Variants in PDLIM5 observed in about 807,000 individuals in gnomAD.
The protein encoded by PDLIM5 is PDZ and LIM domain protein 5.
Under a neutral mutation model 64.2 loss-of-function variants are expected in PDLIM5, and 34 were observed. The observed-to-expected ratio is 0.53, with a 90% CI of 0.40 to 0.71. PDLIM5 has a LOEUF of 0.71. Ranked by LOEUF, PDLIM5 falls within the 30% of genes least tolerant of loss-of-function variation. PDLIM5 has a pLI of 0.00. For missense variants in PDLIM5, 683 were observed against 733.6 expected, an observed-to-expected ratio of 0.93 and a Z score of 0.80; for synonymous variants, 253 against 269.1, an observed-to-expected ratio of 0.94 and a Z score of 0.59.
chr4:94,629,989 T>A (rs970806381), intron 8 of PDLIM5, among the ~76,000 whole-genome samples: 1 of 152,168 alleles, frequency 6.6e-6, no homozygotes, highest in Non-Finnish European at 1.5e-5. Flanking sequence ...AATGCACATA[T>A]TCTTTGCTTC....
chr4:94,558,857 A>G (rs1379096781), intron 3 of PDLIM5, among the ~76,000 whole-genome samples: 2 of 152,004 alleles, frequency 1.3e-5, no homozygotes, highest in Non-Finnish European at 2.9e-5. Flanking sequence ...TTTAATCATA[A>G]CTAAGTTATG....
Position 94,618,076 on chromosome 4 carries a change from C to G in PDLIM5, c.993C>G (p.Asp331Glu). ...ASTRSMPESL[D>E]SPTSGRPGVT... is the part of the protein sequence containing the mutation. ...CACGGAGCATGCCCGAGAGCCTGGA[C>G]AGCCCAACCTCTGGCAGACCAGGGG... The change falls in exon 8 of 13, where the codon GAC becomes GAG. Residue 331 changes from aspartate (D) to glutamate (E), a missense_variant. By Grantham distance (45) the Asp-to-Glu change is conservative. Transcript: ENST00000317968. The G allele has an allele frequency of 6.2e-7, 1 of 1,611,910 alleles. No individual in the cohort carries two copies. The highest frequency in any genetic ancestry group is 1.1e-5 in the South Asian group (1 of 90,616).
At chr4:94,573,062 G>A (rs1002168028) in intron 3 of PDLIM5, among the ~76,000 whole-genome samples, 15 of 152,092 alleles carry the variant, frequency 9.9e-5, no homozygotes, top group African/African-American at 3.6e-4. Context: ...GATTAAACAC[G>A]GGTGCACTCA....
chr4:94,514,352 T>G (rs910412041), intron 2 of PDLIM5, among the ~76,000 whole-genome samples: 3 of 152,044 alleles, frequency 2.0e-5, no homozygotes, highest in African/African-American at 4.8e-5. Flanking sequence ...GCCAGGATGG[T>G]CTCAATCTCC....
chr4:94,649,079 G>T (rs910983137), intron 9 of PDLIM5, among the ~76,000 whole-genome samples: 1 of 151,932 alleles, frequency 6.6e-6, no homozygotes, highest in Non-Finnish European at 1.5e-5. Context: ...GGGTTCAAGC[G>T]ATTCCCCTGC....
intron 9 of PDLIM5, among the ~76,000 whole-genome samples, chr4:94,649,885 A>G (rs1005592271): frequency 6.6e-6 from 1 of 152,192 alleles, no homozygotes; most frequent in Non-Finnish European, 1.5e-5. Context: ...TTTATTTACT[A>G]TTATGTTTAA....
At chr4:94,616,214 T>G (rs1479379769) in intron 7 of PDLIM5, among the ~76,000 whole-genome samples, 3 of 152,190 alleles carry the variant, frequency 2.0e-5, no homozygotes, top group African/African-American at 7.2e-5. Context: ...GCAAGGGTAA[T>G]TTAATCCCAG....
At chr4:94,461,121 T>C (rs747968746) in intron 2 of PDLIM5, among the ~76,000 whole-genome samples, 66 of 152,346 alleles carry the variant, frequency 4.3e-4, no homozygotes, top group Non-Finnish European at 8.5e-4. Flanking sequence ...AAATCAGTTA[T>C]GATTTAGTTA....
At chr4:94,486,914 G>A (rs1350413147) in intron 2 of PDLIM5, among the ~76,000 whole-genome samples, 1 of 152,032 alleles carries the variant, frequency 6.6e-6, no homozygotes, top group Non-Finnish European at 1.5e-5. Context: ...GAGGCAGGAG[G>A]ATCACTTGAG....
At chr4:94,574,624 G>A (rs558431002) in intron 4 of PDLIM5, among the ~76,000 whole-genome samples, 4 of 152,110 alleles carry the variant, frequency 2.6e-5, no homozygotes, top group African/African-American at 9.7e-5. Flanking sequence ...GTGGAATAGG[G>A]ATTTATTCTT....
chr4:94,530,539 A>C (rs999609630), intron 3 of PDLIM5, among the ~76,000 whole-genome samples: 3 of 69,018 alleles, frequency 4.3e-5, no homozygotes, highest in Non-Finnish European at 6.9e-5. Flanking sequence ...ATATATATAT[A>C]TATATATAGT....
At chr4:94,541,820 A>G (rs1048602932) in intron 3 of PDLIM5, among the ~76,000 whole-genome samples, 3 of 152,182 alleles carry the variant, frequency 2.0e-5, no homozygotes, top group Non-Finnish European at 4.4e-5. Flanking sequence ...CATTTGATCT[A>G]CATTAGGTCA....
chr4:94,539,708 A>C (rs891963087), intron 3 of PDLIM5, among the ~76,000 whole-genome samples: 2 of 152,218 alleles, frequency 1.3e-5, no homozygotes, highest in Non-Finnish European at 2.9e-5. Flanking sequence ...GAGATATTGC[A>C]TGAATTAAAA....
intron 9 of PDLIM5, 49 bp from the exon 10 acceptor site, chr4:94,654,409 ACT>A (rs1360789173): frequency 8.3e-7 from 1 of 1,210,174 alleles, no homozygotes; most frequent in South Asian, 1.2e-5. Context: ...ATCCAGGCTA[ACT>A]CTAGAAATTT....
intron 7 of PDLIM5, among the ~76,000 whole-genome samples, chr4:94,598,796 G>A (rs1327199151): frequency 6.6e-6 from 1 of 152,044 alleles, no homozygotes; most frequent in Admixed American, 6.6e-5. Flanking sequence ...GAGGGGAAGA[G>A]TAAGGTCATT....
intron 3 of PDLIM5, among the ~76,000 whole-genome samples, chr4:94,533,644 C>A (rs1253661168): frequency 6.6e-6 from 1 of 152,198 alleles, no homozygotes; most frequent in East Asian, 1.9e-4. Context: ...TACCTGCCTT[C>A]TAGGGCTTTT....
At chr4:94,454,935 A>T (rs1464299475) in intron 1 of PDLIM5, among the ~76,000 whole-genome samples, 1 of 152,224 alleles carries the variant, frequency 6.6e-6, no homozygotes, top group Non-Finnish European at 1.5e-5. Flanking sequence ...ACATTAGTGA[A>T]GTATTGTAAA....
chr4:94,503,450 A>T (rs1252106555), intron 2 of PDLIM5, among the ~76,000 whole-genome samples: 1 of 152,176 alleles, frequency 6.6e-6, no homozygotes, highest in Non-Finnish European at 1.5e-5. Flanking sequence ...CCTAAATAAT[A>T]CTGTTTTAGA....
At chr4:94,640,506 T>G (rs1455847608) in intron 9 of PDLIM5, 56 bp downstream of exon 9, 9 of 1,145,054 alleles carry the variant, frequency 7.9e-6, no homozygotes, top group African/African-American at 3.1e-5. Flanking sequence ...TTGGGTTTTT[T>G]TTTTTTTTTT....
Sources: gnomAD v4.1 joint callset for allele counts (sites outside exome capture counted in the v4.1 genomes callset) on GRCh38, gnomAD v4.1.1 for gene constraint, MANE v1.5 for transcripts, NCBI Gene and HGNC (gene_info 2026-07-23, HGNC 2026-07-21) for gene names.